TNIP1: variants seen among roughly 807,000 people sequenced by gnomAD.
TNIP1 encodes the protein TNFAIP3-interacting protein 1.
TNIP1 carries 22 observed loss-of-function variants against 86.6 expected under a neutral mutation model. The ratio of observed to expected loss-of-function variants is 0.25; its 90% CI spans 0.18 to 0.36. The LOEUF (loss-of-function observed/expected upper bound fraction) is 0.36. TNIP1 is among the 10% of genes least tolerant of loss of function. The pLI, the probability that TNIP1 is intolerant of heterozygous loss-of-function variation, is 1.00. For synonymous variants in TNIP1, 294 were observed against 313.0 expected (o/e 0.94, Z 0.64); for missense variants, 709 against 820.6 (o/e 0.86, Z 1.66).
intron 15 of TNIP1, among the ~76,000 whole-genome samples, chr5:151,034,138 G>T (rs1405033317): frequency 6.6e-6 from 1 of 150,756 alleles, no homozygotes; most frequent in Non-Finnish European, 1.5e-5. Flanking sequence ...TGGTACATGG[G>T]CACGGAAGGC....
Position 151,035,636 on chromosome 5 carries a change from C to A in TNIP1, c.1467G>T (p.Glu489Asp), listed in dbSNP as rs749221623. 1.2e-6 allele frequency: 2 copies of A among 1,614,202 alleles called. No homozygotes were observed. Among genetic ancestry groups the A allele is most frequent in the Non-Finnish European group, 1.7e-6 (2 of 1,180,036 alleles). ...DRERMNEEKE[E>D]LKKQVEKLQA... is the part of the protein sequence containing the mutation. ...GCAGCTTCTCCACTTGCTTCTTCAG[C>A]TCTTCCTTCTCCTCATTCATGCGCT... The change falls in exon 14 of 18, where the codon GAG (glutamate) becomes GAT (aspartate). Residue 489 changes from glutamate (E) to aspartate (D), a missense_variant. Physicochemically the swap from Glu to Asp is conservative, Grantham distance 45. Coordinates refer to ENST00000521591, the MANE Select transcript of TNIP1 (RefSeq NM_006058.5).
chr5:151,069,659 C>T (rs73272828), intron 1 of TNIP1, among the ~76,000 whole-genome samples: 22,303 of 152,080 alleles, frequency 0.15, 2,420 homozygotes, highest in African/African-American at 0.31. Flanking sequence ...TCTACCTCCC[C>T]AGCAGAGGTG....
chr5:151,036,910 T>C lies in TNIP1; in HGVS notation c.1275A>G (p.Glu425=), dbSNP rs767573636. ...ATGGCGGGGTTTGGATGCTCAGTGC[T>C]TCCTCCAGGGCCTGGAATCAGGAAA... ...EIQRLNKALE[E]ALSIQTPPSS... is the part of the protein sequence containing the mutation. The change falls in exon 13 of 18, where the codon GAA becomes GAG. Residue 425 remains glutamate (E), a synonymous_variant. Coordinates refer to ENST00000521591, the MANE Select transcript of TNIP1 (RefSeq NM_006058.5). 1 of 1,607,760 alleles carries C rather than the reference T, an allele frequency of 6.2e-7. No homozygotes were observed. Among genetic ancestry groups the C allele is most frequent in the South Asian group, 1.1e-5 (1 of 90,550 alleles).
At chr5:151,074,926 C>T (rs558334537) in intron 1 of TNIP1, among the ~76,000 whole-genome samples, 188 of 152,258 alleles carry the variant, frequency 1.2e-3, no homozygotes, top group Non-Finnish European at 2.0e-3. Flanking sequence ...TACAGGCATG[C>T]GCCACCACAC....
At chr5:151,041,267 C>T (rs1031744699) in intron 11 of TNIP1, among the ~76,000 whole-genome samples, 4 of 152,134 alleles carry the variant, frequency 2.6e-5, no homozygotes, top group African/African-American at 9.7e-5. Flanking sequence ...GACGGGGTTT[C>T]ACCATGTTGG....
chr5:151,034,093 T>C (rs970410493), intron 15 of TNIP1, among the ~76,000 whole-genome samples: 2 of 146,404 alleles, frequency 1.4e-5, no homozygotes, highest in Non-Finnish European at 3.0e-5. Flanking sequence ...GGCTGGTACA[T>C]GGGCATGGAA....
chr5:151,052,156 T>C lies in TNIP1; in HGVS notation c.722+9A>G. ...CTCCTCACCCCTTCTCTGAGGGGCC[T>C]GAACTTACCGCAGCCTCTCGGCAGC... On this transcript the variant is annotated intron_variant, in intron 7 of 17. Transcript: ENST00000521591. 6.2e-7 allele frequency: 1 copy of C among 1,613,444 alleles called. No homozygotes were observed. Among genetic ancestry groups the C allele is most frequent in the Non-Finnish European group, 8.5e-7 (1 of 1,179,700 alleles).
Position 151,042,676 on chromosome 5 carries a change from G to A in TNIP1, c.1003-5C>T. The A allele has an allele frequency of 6.2e-7, 1 of 1,613,770 alleles. No individual in the cohort carries two copies. The highest frequency in any genetic ancestry group is 8.5e-7 in the Non-Finnish European group (1 of 1,180,018). ...CTTCTGACGCAGCTCAGTGATCTGG[G>A]TTCAGAGGCAGAGAGGAGTGTGTGA... On this transcript the variant is annotated splice_polypyrimidine_tract_variant and splice_region_variant and intron_variant, in intron 10 of 17. Coordinates refer to ENST00000521591, the MANE Select transcript of TNIP1 (RefSeq NM_006058.5).
At chr5:151,083,957 T>C (rs962876198), upstream of TNIP1, among the ~76,000 whole-genome samples, 9 of 152,226 alleles carry the variant, frequency 5.9e-5, no homozygotes, top group Non-Finnish European at 7.3e-5. Flanking sequence ...ACCATTATCA[T>C]CCACATTTCA....
At chr5:151,035,118 C>G (rs772121350) in intron 14 of TNIP1, 51 bp from the exon 15 acceptor site, 1 of 1,588,606 alleles carries the variant, frequency 6.3e-7, no homozygotes, top group Non-Finnish European at 8.6e-7. Context: ...TGGTTTCTGG[C>G]CAGGCCTGGA....
intron 5 of TNIP1, among the ~76,000 whole-genome samples, chr5:151,059,247 G>C (rs901459158): frequency 6.6e-6 from 1 of 152,206 alleles, no homozygotes; most frequent in African/African-American, 2.4e-5. Context: ...TCTGAGCAGG[G>C]GATCTTGCCT....
rs1168947768 is a variant in TNIP1 at position 151,033,675 on chromosome 5, C to T, written c.1712G>A (p.Arg571His). ...CATGGCCATGGGGGGAGGGGGGTAGCGGATCTGGGACCAGTCCTCGAAGCC... is the reference window on the plus strand; with the variant it reads ...CATGGCCATGGGGGGAGGGGGGTAGTGGATCTGGGACCAGTCCTCGAAGCC... ...HHGFEDWSQI[R>H]YPPPPMAMEH... Residue 571 changes from arginine to histidine, a missense_variant, in exon 16 of 18, where the codon CGC becomes CAC. Physicochemically the swap from Arg to His is conservative, Grantham distance 29. Transcript: ENST00000521591. 1.5e-5 allele frequency: 20 copies of T among 1,345,118 alleles called. No homozygotes were observed. The highest frequency in any genetic ancestry group is 1.8e-5 in the Non-Finnish European group (19 of 1,037,392). 83.3% of individuals were successfully genotyped at this position (1,345,118 alleles called of 1,614,324 possible).
chr5:151,062,523 T>C (rs987497828), intron 3 of TNIP1, among the ~76,000 whole-genome samples: 4 of 152,174 alleles, frequency 2.6e-5, no homozygotes, highest in Non-Finnish European at 5.9e-5. Context: ...TGAAAAGTCT[T>C]TATGTATCTA....
intron 1 of TNIP1, among the ~76,000 whole-genome samples, chr5:151,074,846 T>C (rs547866921): frequency 9.3e-4 from 142 of 152,352 alleles, no homozygotes; most frequent in Non-Finnish European, 1.6e-3. Context: ...TGGCATGATC[T>C]CAGTTCACTG....
chr5:151,066,695 T>C (rs1317203070), intron 1 of TNIP1, among the ~76,000 whole-genome samples: 1 of 152,166 alleles, frequency 6.6e-6, no homozygotes, highest in Non-Finnish European at 1.5e-5. Flanking sequence ...ACTAATCTCA[T>C]CTGCATTTTA....
At chr5:151,056,614 T>C in intron 6 of TNIP1, 152 bp downstream of exon 6, 3 of 653,874 alleles carry the variant, frequency 4.6e-6, no homozygotes, top group Non-Finnish European at 6.8e-6. Context: ...CTTATCCTGT[T>C]CATCACCCTG....
At chr5:151,053,101 C>CTTTTTT (rs11390788) in intron 6 of TNIP1, among the ~76,000 whole-genome samples, 1 of 85,208 alleles carries the variant, frequency 1.2e-5, no homozygotes, top group East Asian at 3.4e-4. Flanking sequence ...AACTGTTTCT[C>CTTTTTT]TTTTTTTTTT....
At chr5:151,035,521 C>T (rs1430664600) in intron 14 of TNIP1, 61 bp downstream of exon 14, 1 of 1,612,154 alleles carries the variant, frequency 6.2e-7, no homozygotes, top group East Asian at 2.2e-5. Context: ...GCCCTCCAAT[C>T]CATGCCCCCT....
chr5:151,057,083 G>T (rs774654637), intron 5 of TNIP1, 126 bp from the exon 6 acceptor site: 2 of 1,040,496 alleles, frequency 1.9e-6, no homozygotes, highest in Non-Finnish European at 1.3e-6. Context: ...GCTCAGCCCC[G>T]GGAAATTCTC....
Sources: gnomAD v4.1 joint callset for allele counts (sites outside exome capture counted in the v4.1 genomes callset) on GRCh38, gnomAD v4.1.1 for gene constraint, MANE v1.5 for transcripts, NCBI Gene and HGNC (gene_info 2026-07-23, HGNC 2026-07-21) for gene names.